The following FTCDNL1 variants were observed in gnomAD, a reference collection of about 807,000 sequenced individuals.
FTCDNL1 encodes the protein formiminotransferase N-terminal subdomain-containing protein.
Under a neutral mutation model 5.9 loss-of-function variants are expected in FTCDNL1, and 11 were observed. That is an observed-to-expected ratio of 1.87 (90% CI 1.18 to 3.10). The LOEUF is 3.10. Ranked by LOEUF, FTCDNL1 falls within the 30% of genes most tolerant of loss-of-function variation. The pLI, the probability that FTCDNL1 is intolerant of heterozygous loss-of-function variation, is 0.00. For missense variants in FTCDNL1, 115 were observed against 65.5 expected (o/e 1.76, Z -2.61); for synonymous variants, 58 against 24.8 (o/e 2.34, Z -3.99).
Position 199,784,677 on chromosome 2 carries a change from T to C in FTCDNL1, c.212-23842A>G, listed in dbSNP as rs758585892. Among the ~76,000 whole-genome samples the C allele has an allele frequency of 2.0e-4, 30 of 152,296 alleles. 1 individual carries two copies. The highest frequency in any genetic ancestry group is 3.4e-4 in the Non-Finnish European group (23 of 68,018). Reference sequence around the variant, plus strand: ...GGACTCTCCCTCAGACTTGCCCCAATTGAGGCGGGACTTTGTACCATACAT... The same window carrying C: ...GGACTCTCCCTCAGACTTGCCCCAACTGAGGCGGGACTTTGTACCATACAT... On this transcript the variant is annotated intron_variant, in intron 3 of 3. Transcript: ENST00000416668.
intron 3 of FTCDNL1, among the ~76,000 whole-genome samples, chr2:199,835,689 T>C (rs1702682936): frequency 6.6e-6 from 1 of 152,092 alleles, no homozygotes; most frequent in Non-Finnish European, 1.5e-5. Flanking sequence ...GAAAAGGGAT[T>C]CAGGAAAAAC....
chr2:199,773,579 G>A (rs1020828651), intron 3 of FTCDNL1, among the ~76,000 whole-genome samples: 3 of 152,174 alleles, frequency 2.0e-5, no homozygotes, highest in Non-Finnish European at 2.9e-5. Context: ...TCAGTCAGTG[G>A]CATCCAGTCT....
At chr2:199,799,808 A>G (rs1700352938) in intron 3 of FTCDNL1, among the ~76,000 whole-genome samples, 1 of 152,160 alleles carries the variant, frequency 6.6e-6, no homozygotes, top group Non-Finnish European at 1.5e-5. Flanking sequence ...GTTAATTCTG[A>G]GCCTGAATGT....
the FTCDNL1 span, among the ~76,000 whole-genome samples, chr2:199,675,997 C>T: frequency 1.3e-5 from 2 of 152,164 alleles, no homozygotes; most frequent in Non-Finnish European, 2.9e-5. Flanking sequence ...AGTGATCCTC[C>T]TGCCTTAGCA....
At chr2:199,825,917 T>C (rs775255760) in intron 3 of FTCDNL1, among the ~76,000 whole-genome samples, 11 of 152,236 alleles carry the variant, frequency 7.2e-5, no homozygotes, top group Non-Finnish European at 1.2e-4. Context: ...AATGGGAGAA[T>C]ATTTAGGAAA....
intron 3 of FTCDNL1, among the ~76,000 whole-genome samples, chr2:199,782,753 T>G (rs975027812): frequency 6.6e-6 from 1 of 152,206 alleles, no homozygotes; most frequent in Non-Finnish European, 1.5e-5. Flanking sequence ...TTCTATTCAA[T>G]AGTCTTCAAA....
chr2:199,842,792 G>A (rs1444258427), intron 3 of FTCDNL1, among the ~76,000 whole-genome samples: 3 of 152,126 alleles, frequency 2.0e-5, no homozygotes, highest in African/African-American at 4.8e-5. Flanking sequence ...CCTTTGTCCA[G>A]AGAAAGTTAG....
the FTCDNL1 span, among the ~76,000 whole-genome samples, chr2:199,669,608 C>A: frequency 6.6e-6 from 1 of 152,162 alleles, no homozygotes; most frequent in African/African-American, 2.4e-5. Context: ...GAAGTCGAGT[C>A]CATGTGTTTC....
chr2:199,754,628 G>A, the FTCDNL1 span, among the ~76,000 whole-genome samples: 1 of 152,088 alleles, frequency 6.6e-6, no homozygotes, highest in Admixed American at 6.6e-5. Context: ...GAGTCTCCAG[G>A]GCTTTAAACT....
At chr2:199,836,756 C>A (rs1020063192) in intron 3 of FTCDNL1, among the ~76,000 whole-genome samples, 3 of 151,832 alleles carry the variant, frequency 2.0e-5, no homozygotes, top group Admixed American at 2.0e-4. Context: ...CAAAGCAAAC[C>A]CTGTTTCAAA....
At chr2:199,761,461 T>C (rs1186775998) in intron 3 of FTCDNL1, among the ~76,000 whole-genome samples, 1 of 152,182 alleles carries the variant, frequency 6.6e-6, no homozygotes, top group Admixed American at 6.5e-5. Flanking sequence ...AATAGAGCAG[T>C]GGATTCCTGA....
At chr2:199,775,731 A>G (rs1055447917) in intron 3 of FTCDNL1, among the ~76,000 whole-genome samples, 1 of 152,160 alleles carries the variant, frequency 6.6e-6, no homozygotes, top group East Asian at 1.9e-4. Flanking sequence ...AAGAAGGAAA[A>G]AAGAAAGAGA....
chr2:199,760,784 G>GGA, exon 4 of FTCDNL1: 1 of 702,340 alleles, frequency 1.4e-6, no homozygotes, highest in South Asian at 1.5e-5. Flanking sequence ...TCTGGTTCCT[G>GGA]GATGTCGACC....
the FTCDNL1 span, among the ~76,000 whole-genome samples, chr2:199,717,509 ATTTTTTT>A: frequency 5.2e-5 from 3 of 57,656 alleles, no homozygotes; most frequent in East Asian, 9.2e-4. Flanking sequence ...CAAGGCAGAG[ATTTTTTT>A]TTTTTTTTTT....
chr2:199,663,934 C>T, the FTCDNL1 span, among the ~76,000 whole-genome samples: 5 of 151,670 alleles, frequency 3.3e-5, no homozygotes, highest in Non-Finnish European at 7.4e-5. Context: ...CATTACTACA[C>T]GAAAGATGAA....
At chr2:199,778,909 G>A (rs763730858) in intron 3 of FTCDNL1, among the ~76,000 whole-genome samples, 1 of 152,090 alleles carries the variant, frequency 6.6e-6, no homozygotes, top group Non-Finnish European at 1.5e-5. Context: ...GTAATAAATA[G>A]CTCAGGGAAG....
downstream of FTCDNL1, among the ~76,000 whole-genome samples, chr2:199,756,111 T>C (rs759776434): frequency 3.3e-5 from 5 of 152,238 alleles, no homozygotes; most frequent in Non-Finnish European, 5.9e-5. Context: ...TCTTTTATAG[T>C]AAATTTACTT....
At chr2:199,843,466 A>G (rs1041520934) in intron 3 of FTCDNL1, among the ~76,000 whole-genome samples, 3 of 152,192 alleles carry the variant, frequency 2.0e-5, no homozygotes, top group Non-Finnish European at 2.9e-5. Context: ...TCTTTCTTGG[A>G]TAAAACGTAA....
At chr2:199,821,330 T>A (rs1215414220) in intron 3 of FTCDNL1, among the ~76,000 whole-genome samples, 17 of 151,156 alleles carry the variant, frequency 1.1e-4, no homozygotes, top group Middle Eastern at 3.4e-3. Flanking sequence ...TTTTTTTTTT[T>A]TTTTTTTTTT....
Sources: gnomAD v4.1 joint callset for allele counts (sites outside exome capture counted in the v4.1 genomes callset) on GRCh38, gnomAD v4.1.1 for gene constraint, MANE v1.5 for transcripts, NCBI Gene and HGNC (gene_info 2026-07-23, HGNC 2026-07-21) for gene names.